The following ZNRF2 variants were observed in gnomAD, a reference collection of about 807,000 sequenced individuals.
ZNRF2 encodes the protein E3 ubiquitin-protein ligase ZNRF2.
ZNRF2 carries 16 observed loss-of-function variants against 20.4 expected under a neutral mutation model. The observed-to-expected ratio is 0.79, with a 90% CI of 0.53 to 1.19. The LOEUF (loss-of-function observed/expected upper bound fraction) is 1.19. Ranked by LOEUF, ZNRF2 falls within the 50% of genes most tolerant of loss-of-function variation. The pLI is 0.00. For missense variants in ZNRF2, 363 were observed against 332.4 expected (o/e 1.09, Z -0.72); for synonymous variants, 178 against 144.9 (o/e 1.23, Z -1.64).
intron 1 of ZNRF2, among the ~76,000 whole-genome samples, chr7:30,321,877 TGTAGTTTCATTTTTAG>T (rs1799475740): frequency 6.6e-6 from 1 of 152,156 alleles, no homozygotes; most frequent in African/African-American, 2.4e-5. Context: ...ATAGTTTTTT[TGTAGTTTCATTTTTAG>T]GGGTGTCTAA....
At chr7:30,333,665 G>A (rs1417802383) in intron 2 of ZNRF2, among the ~76,000 whole-genome samples, 1 of 152,122 alleles carries the variant, frequency 6.6e-6, no homozygotes, top group Non-Finnish European at 1.5e-5. Context: ...ATCGCACCCA[G>A]CCCATATTTT....
chr7:30,354,926 AT>A (rs1800013880), intron 2 of ZNRF2, among the ~76,000 whole-genome samples: 2 of 152,334 alleles, frequency 1.3e-5, no homozygotes, highest in Admixed American at 1.3e-4. Flanking sequence ...AAAATTTAGC[AT>A]TAGAATATAA....
At chr7:30,289,828 G>C in intron 1 of ZNRF2, 2 of 534,486 alleles carry the variant, frequency 3.7e-6, no homozygotes, top group Non-Finnish European at 7.7e-6. Flanking sequence ...GCCTGAGGGA[G>C]TAAGAGCCCT....
chr7:30,301,175 G>T (rs1799107327), intron 1 of ZNRF2, among the ~76,000 whole-genome samples: 1 of 152,178 alleles, frequency 6.6e-6, no homozygotes, highest in Non-Finnish European at 1.5e-5. Context: ...TCCATGGGAA[G>T]AGAGTGTTTT....
intron 1 of ZNRF2, among the ~76,000 whole-genome samples, chr7:30,298,698 A>G (rs961642989): frequency 6.6e-6 from 1 of 152,154 alleles, no homozygotes; most frequent in Non-Finnish European, 1.5e-5. Flanking sequence ...TCCCTTTCCT[A>G]ATAACAAGCT....
intron 1 of ZNRF2, among the ~76,000 whole-genome samples, chr7:30,295,634 C>G (rs1000822488): frequency 6.6e-6 from 1 of 152,116 alleles, no homozygotes; most frequent in Non-Finnish European, 1.5e-5. Context: ...CGCTTGAACC[C>G]AGGAGGCTGA....
intron 3 of ZNRF2, among the ~76,000 whole-genome samples, chr7:30,360,830 G>A (rs540574301): frequency 6.6e-6 from 1 of 152,264 alleles, no homozygotes; most frequent in African/African-American, 2.4e-5. Flanking sequence ...AAACATGGAA[G>A]CAGTACTATA....
chr7:30,330,769 TAA>T (rs796187971), intron 2 of ZNRF2, among the ~76,000 whole-genome samples: 1 of 144,956 alleles, frequency 6.9e-6, no homozygotes. Flanking sequence ...TAACTGAAGT[TAA>T]AAAAAAAAAG....
intron 2 of ZNRF2, among the ~76,000 whole-genome samples, chr7:30,346,661 A>T (rs1799884526): frequency 6.6e-6 from 1 of 151,966 alleles, no homozygotes; most frequent in Non-Finnish European, 1.5e-5. Context: ...ATCTCTAATT[A>T]ATCCTGCATC....
chr7:30,308,837 G>GA (rs1375084627), intron 1 of ZNRF2, among the ~76,000 whole-genome samples: 2 of 151,994 alleles, frequency 1.3e-5, no homozygotes, highest in African/African-American at 4.8e-5. Context: ...CAGATTTACT[G>GA]AAAAAATTGA....
At chr7:30,297,709 C>G (rs962538327) in intron 1 of ZNRF2, among the ~76,000 whole-genome samples, 1 of 149,534 alleles carries the variant, frequency 6.7e-6, no homozygotes, top group African/African-American at 2.5e-5. Context: ...ATTTGGTAGG[C>G]TCTTTGAGTC....
intron 1 of ZNRF2, among the ~76,000 whole-genome samples, chr7:30,288,599 C>T (rs1403654881): frequency 3.3e-5 from 5 of 152,194 alleles, no homozygotes; most frequent in East Asian, 1.9e-4. Flanking sequence ...TGGCTATATA[C>T]ACTCTTATTC....
chr7:30,304,069 A>C (rs1012719964), intron 1 of ZNRF2, among the ~76,000 whole-genome samples: 1 of 152,094 alleles, frequency 6.6e-6, no homozygotes, highest in African/African-American at 2.4e-5. Context: ...TCTCCTTACT[A>C]ATAATATTAG....
At chr7:30,351,412 T>C (rs111282796) in intron 2 of ZNRF2, among the ~76,000 whole-genome samples, 3 of 152,192 alleles carry the variant, frequency 2.0e-5, no homozygotes, top group African/African-American at 7.2e-5. Flanking sequence ...CATAGTTCTA[T>C]TGGACAGAGC....
chr7:30,293,725 A>G (rs773382480), intron 1 of ZNRF2, among the ~76,000 whole-genome samples: 10 of 152,218 alleles, frequency 6.6e-5, no homozygotes, highest in Non-Finnish European at 1.2e-4. Flanking sequence ...TTTGATATTT[A>G]TAAGTGCAGA....
At chr7:30,339,879 A>C (rs1027583480) in intron 2 of ZNRF2, among the ~76,000 whole-genome samples, 3 of 152,126 alleles carry the variant, frequency 2.0e-5, no homozygotes, top group African/African-American at 7.2e-5. Flanking sequence ...CACAATATTG[A>C]TTCTTCCTAC....
At chr7:30,333,483 C>A (rs920329906) in intron 2 of ZNRF2, among the ~76,000 whole-genome samples, 1 of 151,950 alleles carries the variant, frequency 6.6e-6, no homozygotes, top group Non-Finnish European at 1.5e-5. Flanking sequence ...AATTATCCTG[C>A]CCCAGCCTTC....
At chr7:30,356,792 G>A (rs1022093141) in intron 3 of ZNRF2, among the ~76,000 whole-genome samples, 5 of 136,940 alleles carry the variant, frequency 3.7e-5, no homozygotes, top group South Asian at 2.4e-4. Flanking sequence ...TGCAAGCTCC[G>A]CCTCCTGGGT....
intron 1 of ZNRF2, among the ~76,000 whole-genome samples, chr7:30,302,625 T>C (rs988322205): frequency 2.6e-5 from 4 of 152,182 alleles, no homozygotes; most frequent in African/African-American, 9.7e-5. Context: ...CACTAAAAAT[T>C]GGTTATCTCG....
Sources: gnomAD v4.1 joint callset for allele counts (sites outside exome capture counted in the v4.1 genomes callset) on GRCh38, gnomAD v4.1.1 for gene constraint, MANE v1.5 for transcripts, NCBI Gene and HGNC (gene_info 2026-07-23, HGNC 2026-07-21) for gene names.